Variants in PRKG1 observed in about 807,000 individuals in gnomAD.
PRKG1 encodes the protein cGMP-dependent protein kinase 1.
In PRKG1, 35 loss-of-function variants were observed where a neutral mutation model predicts 88.1. That is an observed-to-expected ratio of 0.40 (90% confidence interval 0.30 to 0.53). The LOEUF (loss-of-function observed/expected upper bound fraction) is 0.53, where lower values mean the gene tolerates loss of function less well. PRKG1 is among the 20% of genes least tolerant of loss of function. The probability of loss-of-function intolerance (pLI) is 0.59; values close to 1 mark genes in which losing one functional copy is unlikely to be tolerated. For synonymous variants in PRKG1, 303 were observed against 292.5 expected, an observed-to-expected ratio of 1.04 and a Z score of -0.37; for missense variants, 540 against 839.8, an observed-to-expected ratio of 0.64 and a Z score of 4.41.
At chr10:51,105,669 G>C (rs1003391148) in intron 1 of PRKG1, among the ~76,000 whole-genome samples, 1 of 151,774 alleles carries the variant, frequency 6.6e-6, no homozygotes, top group Non-Finnish European at 1.5e-5. Flanking sequence ...CTGGAGAGTG[G>C]GGACACATAG....
At chr10:51,169,160 A>G (rs1846629131) in intron 2 of PRKG1, among the ~76,000 whole-genome samples, 1 of 152,186 alleles carries the variant, frequency 6.6e-6, no homozygotes, top group Non-Finnish European at 1.5e-5. Flanking sequence ...ATAATCTTAG[A>G]AGATATAACA....
chr10:51,399,323 G>T (rs927128687), intron 2 of PRKG1, among the ~76,000 whole-genome samples: 1 of 152,178 alleles, frequency 6.6e-6, no homozygotes, highest in Non-Finnish European at 1.5e-5. Flanking sequence ...AAATCTTATT[G>T]GTTCTGTTTC....
chr10:51,718,010 A>G (rs1841926683), intron 3 of PRKG1, among the ~76,000 whole-genome samples: 1 of 152,066 alleles, frequency 6.6e-6, no homozygotes, highest in Admixed American at 6.6e-5. Context: ...ATGTTTATGT[A>G]TACACTCATT....
At chr10:52,134,383 CTT>C (rs1475122344) in intron 8 of PRKG1, among the ~76,000 whole-genome samples, 1 of 152,036 alleles carries the variant, frequency 6.6e-6, no homozygotes, top group African/African-American at 2.4e-5. Flanking sequence ...AGGGAAGAAA[CTT>C]TTGAAGAAAT....
intron 3 of PRKG1, among the ~76,000 whole-genome samples, chr10:51,482,800 A>G (rs1373398402): frequency 6.6e-6 from 1 of 152,160 alleles, no homozygotes; most frequent in East Asian, 1.9e-4. Context: ...TTCATCATTC[A>G]TGAAATAGGG....
intron 2 of PRKG1, among the ~76,000 whole-genome samples, chr10:51,421,643 T>G (rs1051778606): frequency 4.6e-5 from 7 of 152,198 alleles, no homozygotes; most frequent in African/African-American, 1.7e-4. Flanking sequence ...CATGTCTGTC[T>G]CCTGCACACT....
intron 3 of PRKG1, among the ~76,000 whole-genome samples, chr10:51,735,287 G>C (rs1280350424): frequency 6.6e-6 from 1 of 151,930 alleles, no homozygotes; most frequent in African/African-American, 2.4e-5. Context: ...CTAAGTCCTT[G>C]GTTTAGAACT....
chr10:51,209,185 G>GTT (rs148580095), intron 2 of PRKG1, among the ~76,000 whole-genome samples: 5 of 151,454 alleles, frequency 3.3e-5, no homozygotes, highest in African/African-American at 1.2e-4. Flanking sequence ...ACAAAAGCTG[G>GTT]TTTTTTTTTG....
chr10:52,067,823 A>G (rs930820356), intron 7 of PRKG1, among the ~76,000 whole-genome samples: 8 of 152,206 alleles, frequency 5.3e-5, no homozygotes, highest in African/African-American at 1.9e-4. Flanking sequence ...TATGAAAACT[A>G]AAGGTGTGTT....
intron 2 of PRKG1, among the ~76,000 whole-genome samples, chr10:51,266,109 T>C (rs2132167575): frequency 6.6e-6 from 1 of 152,296 alleles, no homozygotes; most frequent in East Asian, 1.9e-4. Flanking sequence ...GGACCACAGT[T>C]AGGGAACCAT....
At chr10:51,437,350 G>A (rs897997884) in intron 2 of PRKG1, among the ~76,000 whole-genome samples, 4 of 151,950 alleles carry the variant, frequency 2.6e-5, no homozygotes, top group Admixed American at 2.0e-4. Flanking sequence ...GCTCAAATGA[G>A]ATATACACAC....
chr10:51,131,665 C>T (rs1845571688), intron 1 of PRKG1, among the ~76,000 whole-genome samples: 1 of 152,190 alleles, frequency 6.6e-6, no homozygotes, highest in South Asian at 2.1e-4. Context: ...AGTTTGTTTA[C>T]TTGTGCACAA....
At chr10:52,040,666 T>C (rs1845732730) in intron 5 of PRKG1, among the ~76,000 whole-genome samples, 1 of 152,284 alleles carries the variant, frequency 6.6e-6, no homozygotes. Flanking sequence ...GGATGACTTT[T>C]GTTCCTTTCA....
intron 3 of PRKG1, among the ~76,000 whole-genome samples, chr10:51,802,427 G>A (rs765611898): frequency 6.6e-6 from 1 of 152,116 alleles, no homozygotes; most frequent in African/African-American, 2.4e-5. Flanking sequence ...ATTGAATTCT[G>A]TCAATTTATT....
chr10:51,219,618 G>A (rs571535211), intron 2 of PRKG1, among the ~76,000 whole-genome samples: 7 of 151,908 alleles, frequency 4.6e-5, no homozygotes, highest in South Asian at 2.1e-4. Flanking sequence ...GCTGAGACAC[G>A]AGAATCACTT....
intron 1 of PRKG1, among the ~76,000 whole-genome samples, chr10:51,152,219 G>A (rs534776737): frequency 2.0e-5 from 3 of 152,042 alleles, no homozygotes; most frequent in South Asian, 4.2e-4. Flanking sequence ...AAACTTTCTC[G>A]TTAACCACTG....
intron 3 of PRKG1, among the ~76,000 whole-genome samples, chr10:51,562,282 G>A (rs532070788): frequency 4.3e-4 from 66 of 151,900 alleles, no homozygotes; most frequent in African/African-American, 1.5e-3. Flanking sequence ...TATGTCACAG[G>A]TTTTCATCTT....
chr10:51,299,728 C>G (rs975701490), intron 2 of PRKG1: 7 of 397,812 alleles, frequency 1.8e-5, no homozygotes, highest in Non-Finnish European at 2.9e-5. Flanking sequence ...TGTGTTTTTT[C>G]CTGGCCTCTC....
intron 2 of PRKG1, among the ~76,000 whole-genome samples, chr10:51,248,680 G>T (rs1025765809): frequency 4.6e-5 from 7 of 151,692 alleles, no homozygotes; most frequent in Non-Finnish European, 1.0e-4. Flanking sequence ...TTAAAGAAGT[G>T]CTAACTGAAA....
Sources: gnomAD v4.1 joint callset for allele counts (sites outside exome capture counted in the v4.1 genomes callset) on GRCh38, gnomAD v4.1.1 for gene constraint, MANE v1.5 for transcripts, NCBI Gene and HGNC (gene_info 2026-07-23, HGNC 2026-07-21) for gene names.